LRFN5: variants seen among roughly 807,000 people sequenced by gnomAD.
LRFN5 encodes the protein leucine-rich repeat and fibronectin type-III domain-containing protein 5.
In LRFN5, 24 loss-of-function variants were observed where a neutral mutation model predicts 45.6. The observed-to-expected ratio is 0.53, with a 90% CI of 0.38 to 0.74. LRFN5 has a LOEUF of 0.74. Ranked by LOEUF, LRFN5 falls within the 30% of genes least tolerant of loss-of-function variation. The pLI is 0.00. For synonymous variants in LRFN5, 340 were observed against 313.8 expected, an observed-to-expected ratio of 1.08 and a Z score of -0.88; for missense variants, 776 against 861.5, an observed-to-expected ratio of 0.90 and a Z score of 1.24.
chr14:41,740,572 T>C (rs1393097900), intron 1 of LRFN5, among the ~76,000 whole-genome samples: 1 of 151,976 alleles, frequency 6.6e-6, no homozygotes, highest in East Asian at 1.9e-4. Flanking sequence ...AAAATACATA[T>C]ATTACAAGCC....
At chr14:41,694,412 T>C (rs1882510850) in intron 1 of LRFN5, among the ~76,000 whole-genome samples, 1 of 151,976 alleles carries the variant, frequency 6.6e-6, no homozygotes, top group South Asian at 2.1e-4. Flanking sequence ...TTTTTGATAC[T>C]ATATATAAAT....
At chr14:41,892,647 A>G in intron 4 of LRFN5, 24 of 983,202 alleles carry the variant, frequency 2.4e-5, no homozygotes, top group Non-Finnish European at 2.8e-5. Context: ...AAAATACAAT[A>G]TTCAATTAGT....
chr14:41,613,575 C>A (rs1247068060), intron 1 of LRFN5, among the ~76,000 whole-genome samples: 2 of 151,590 alleles, frequency 1.3e-5, no homozygotes, highest in African/African-American at 4.8e-5. Flanking sequence ...GCATTATAAT[C>A]CTTGTGGAAA....
chr14:41,838,877 T>G (rs1888758238), intron 2 of LRFN5, among the ~76,000 whole-genome samples: 1 of 152,176 alleles, frequency 6.6e-6, no homozygotes, highest in South Asian at 2.1e-4. Context: ...TCTACACATA[T>G]GACCAAAATC....
chr14:41,830,263 G>A (rs1888435166), intron 2 of LRFN5, among the ~76,000 whole-genome samples: 1 of 151,290 alleles, frequency 6.6e-6, no homozygotes, highest in African/African-American at 2.4e-5. Flanking sequence ...TTTTGATATT[G>A]CAAAATTTCT....
At position 41,824,780 on chromosome 14, in the gene LRFN5, G is replaced by T. The variant is rs150274837; in HGVS notation, c.-21+57751G>T. On this transcript the variant is annotated intron_variant, in intron 2 of 5. Transcript: ENST00000298119. Reference sequence around the variant, plus strand: ...TCTTAGCCTTGGAGAGAGGGACAAAGCTGCTCTCAGATGTCATAATTACTA... The same window carrying T: ...TCTTAGCCTTGGAGAGAGGGACAAATCTGCTCTCAGATGTCATAATTACTA... 9.6e-4 allele frequency among the ~76,000 whole-genome samples: 146 copies of T among 152,204 alleles called. 3 individuals are homozygous for T. In the East Asian group the frequency reaches 0.018, roughly 19 times the overall value.
intron 2 of LRFN5, among the ~76,000 whole-genome samples, chr14:41,780,493 C>G (rs1258231621): frequency 6.6e-6 from 1 of 152,022 alleles, no homozygotes; most frequent in Non-Finnish European, 1.5e-5. Flanking sequence ...ATTGATATAG[C>G]TACTTCAGCT....
At chr14:41,804,764 CA>C (rs1404156651) in intron 2 of LRFN5, among the ~76,000 whole-genome samples, 1 of 152,092 alleles carries the variant, frequency 6.6e-6, no homozygotes. Flanking sequence ...TTGGCAAAGG[CA>C]GTTTCAAAAA....
chr14:41,856,833 C>T (rs1422555615), intron 2 of LRFN5, among the ~76,000 whole-genome samples: 2 of 147,290 alleles, frequency 1.4e-5, no homozygotes, highest in Non-Finnish European at 3.0e-5. Flanking sequence ...CCCGCCACTG[C>T]GCCCGGCTAA....
chr14:41,791,339 A>T (rs1367130157), intron 2 of LRFN5, among the ~76,000 whole-genome samples: 1 of 152,032 alleles, frequency 6.6e-6, no homozygotes, highest in East Asian at 1.9e-4. Context: ...AATGCAGATG[A>T]TCAGTCAGTA....
chr14:41,868,680 A>G (rs1294124163), intron 2 of LRFN5, among the ~76,000 whole-genome samples: 2 of 152,186 alleles, frequency 1.3e-5, no homozygotes, highest in African/African-American at 4.8e-5. Flanking sequence ...ATTTGCCAAA[A>G]TGAGAAGCAT....
At chr14:41,800,865 A>T (rs576267992) in intron 2 of LRFN5, among the ~76,000 whole-genome samples, 50 of 152,100 alleles carry the variant, frequency 3.3e-4, no homozygotes, top group Non-Finnish European at 6.2e-4. Flanking sequence ...TTGTCTTTTT[A>T]AAAAATACTA....
chr14:41,722,296 A>G (rs191526436), intron 1 of LRFN5, among the ~76,000 whole-genome samples: 1 of 151,826 alleles, frequency 6.6e-6, no homozygotes, highest in Admixed American at 6.6e-5. Flanking sequence ...TTGATTTTCA[A>G]CCTTGTCTTG....
At chr14:41,708,387 T>C (rs1377600283) in intron 1 of LRFN5, among the ~76,000 whole-genome samples, 1 of 152,030 alleles carries the variant, frequency 6.6e-6, no homozygotes, top group African/African-American at 2.4e-5. Context: ...CATCTGTAAA[T>C]ATTTGAGCAT....
chr14:41,691,374 C>T (rs2138705598), intron 1 of LRFN5, among the ~76,000 whole-genome samples: 1 of 152,066 alleles, frequency 6.6e-6, no homozygotes, highest in East Asian at 1.9e-4. Context: ...GAATTATATA[C>T]ATGTATATTT....
At chr14:41,904,123 T>C (rs1458164778) in intron 5 of LRFN5, 35 bp from the exon 6 acceptor site, 1 of 1,530,570 alleles carries the variant, frequency 6.5e-7, no homozygotes, top group East Asian at 2.2e-5. Context: ...CTTCCTTTCT[T>C]TCTTTTTTTC....
chr14:41,695,432 G>C (rs1258009051), intron 1 of LRFN5, among the ~76,000 whole-genome samples: 1 of 151,918 alleles, frequency 6.6e-6, no homozygotes, highest in African/African-American at 2.4e-5. Context: ...CCTTCTATTG[G>C]AAAAAGAGGC....
chr14:41,881,743 A>C (rs967718928), intron 2 of LRFN5, among the ~76,000 whole-genome samples: 2 of 152,036 alleles, frequency 1.3e-5, no homozygotes, highest in Admixed American at 1.3e-4. Context: ...ATTTGTCTTC[A>C]ATTACATTTA....
rs2138768978 is a variant in LRFN5, at chr14:41,720,782, A to T, written c.-196-46072A>T. 2.0e-5 allele frequency among the ~76,000 whole-genome samples: 3 copies of T among 152,096 alleles called. 1 individual carries two copies. In the Middle Eastern group the frequency reaches 0.01, roughly 517 times the overall value. On this transcript the variant is annotated intron_variant, in intron 1 of 5. Coordinates refer to ENST00000298119, the MANE Select transcript of LRFN5 (RefSeq NM_152447.5). Reference sequence around the variant, plus strand: ...ATTTTGATTTTTTTTAAATTTATTGAGACTTGCTTTATGGCCAAACATAAT... The same window carrying T: ...ATTTTGATTTTTTTTAAATTTATTGTGACTTGCTTTATGGCCAAACATAAT...
Sources: gnomAD v4.1 joint callset for allele counts (sites outside exome capture counted in the v4.1 genomes callset) on GRCh38, gnomAD v4.1.1 for gene constraint, MANE v1.5 for transcripts, NCBI Gene and HGNC (gene_info 2026-07-23, HGNC 2026-07-21) for gene names.